SYNJ2BP: variants seen among roughly 807,000 people sequenced by gnomAD.
SYNJ2BP encodes synaptojanin-2-binding protein.
SYNJ2BP carries 10 observed loss-of-function variants against 16.9 expected under a neutral mutation model. That is an observed-to-expected ratio of 0.59 (90% CI 0.36 to 1.00). The LOEUF (loss-of-function observed/expected upper bound fraction) is 1.00, where lower values mean the gene tolerates loss of function less well. Among genes scored for constraint, SYNJ2BP ranks in the 50% least tolerant of loss-of-function variants. The probability of loss-of-function intolerance (pLI) is 0.01; values close to 1 mark genes in which losing one functional copy is unlikely to be tolerated. For synonymous variants in SYNJ2BP, 54 were observed against 68.4 expected (o/e 0.79, Z 1.04); for missense variants, 162 against 186.7 (o/e 0.87, Z 0.77).
chr14:70,397,146 T>C (rs185757071), intron 1 of SYNJ2BP, among the ~76,000 whole-genome samples: 2 of 152,292 alleles, frequency 1.3e-5, no homozygotes, highest in East Asian at 3.9e-4. Context: ...TCTAGTTAAT[T>C]TTTGTACATA....
At chr14:70,391,463 CA>C (rs1241944190) in intron 1 of SYNJ2BP, among the ~76,000 whole-genome samples, 1 of 152,176 alleles carries the variant, frequency 6.6e-6, no homozygotes, top group Non-Finnish European at 1.5e-5. Context: ...GGTGGAAAAG[CA>C]GATGGAACAA....
intron 2 of SYNJ2BP, among the ~76,000 whole-genome samples, chr14:70,381,962 C>T (rs543363470): frequency 1.3e-5 from 2 of 152,132 alleles, no homozygotes; most frequent in Admixed American, 6.5e-5. Flanking sequence ...TTTGGCCGGG[C>T]GCGGTGGCTC....
chr14:70,414,100 T>C (rs1431043187), intron 1 of SYNJ2BP, among the ~76,000 whole-genome samples: 2 of 152,190 alleles, frequency 1.3e-5, no homozygotes, highest in African/African-American at 4.8e-5. Flanking sequence ...GATGATACCA[T>C]GAAGAAAAGC....
chr14:70,412,259 C>T (rs1888489121), intron 1 of SYNJ2BP, among the ~76,000 whole-genome samples: 1 of 152,108 alleles, frequency 6.6e-6, no homozygotes, highest in African/African-American at 2.4e-5. Context: ...GGTTGGCAGT[C>T]AACTTCTTAA....
intron 1 of SYNJ2BP, among the ~76,000 whole-genome samples, chr14:70,392,880 T>C (rs144117059): frequency 1.4e-4 from 22 of 152,314 alleles, no homozygotes; most frequent in African/African-American, 5.3e-4. Context: ...TTGCTAATCA[T>C]TGGCTATGGC....
rs182500199 is a variant in SYNJ2BP, at chr14:70,377,775, C to G, written c.202-2004G>C. ...TACTTAACTATTATCTTTCTCTGCTCCTTCTCTCAACTAAAATTATACACC... is the reference window on the plus strand; with the variant it reads ...TACTTAACTATTATCTTTCTCTGCTGCTTCTCTCAACTAAAATTATACACC... On this transcript the variant is annotated intron_variant, in intron 2 of 3. Transcript: ENST00000256366. 3.9e-4 allele frequency among the ~76,000 whole-genome samples: 60 copies of G among 152,272 alleles called. 1 individual carries two copies. Among genetic ancestry groups the G allele is most frequent in the Admixed American group, 3.9e-3 (60 of 15,290 alleles).
chr14:70,416,770 A>G (rs990074453), intron 1 of SYNJ2BP, 130 bp downstream of exon 1: 2 of 1,356,510 alleles, frequency 1.5e-6, no homozygotes, highest in South Asian at 1.3e-5. Flanking sequence ...AGCACCCCGA[A>G]GCGTTGCACG....
At chr14:70,406,618 A>G (rs1888350080) in intron 1 of SYNJ2BP, among the ~76,000 whole-genome samples, 1 of 152,206 alleles carries the variant, frequency 6.6e-6, no homozygotes, top group Non-Finnish European at 1.5e-5. Flanking sequence ...ACCTAAGATC[A>G]GTGCTTCTGA....
At chr14:70,400,480 AAACCC>A (rs1888211513) in intron 1 of SYNJ2BP, among the ~76,000 whole-genome samples, 1 of 152,226 alleles carries the variant, frequency 6.6e-6, no homozygotes, top group African/African-American at 2.4e-5. Flanking sequence ...GTGCCTTTAG[AAACCC>A]TTGTGGTTTT....
chr14:70,386,950 C>A (rs1292966727), intron 2 of SYNJ2BP, among the ~76,000 whole-genome samples: 1 of 152,222 alleles, frequency 6.6e-6, no homozygotes, highest in Non-Finnish European at 1.5e-5. Context: ...TCATTTATTT[C>A]AACGTTTTCC....
chr14:70,389,778 T>G (rs1887940580), intron 1 of SYNJ2BP, among the ~76,000 whole-genome samples: 1 of 152,204 alleles, frequency 6.6e-6, no homozygotes, highest in South Asian at 2.1e-4. Flanking sequence ...TTGGGCATAG[T>G]AATTGACAAC....
intron 1 of SYNJ2BP, among the ~76,000 whole-genome samples, chr14:70,393,046 T>G (rs924982580): frequency 3.3e-5 from 5 of 152,172 alleles, no homozygotes; most frequent in African/African-American, 1.2e-4. Context: ...GAGAAAATTT[T>G]TGCAATCTAT....
chr14:70,369,004 C>T lies in SYNJ2BP; in HGVS notation c.*3987G>A, dbSNP rs1887457212. The T allele has an allele frequency of 1.3e-5, 2 of 152,176 alleles. No homozygotes were observed. Among genetic ancestry groups the T allele is most frequent in the African/African-American group, 4.8e-5 (2 of 41,438 alleles). 9.4% of individuals were successfully genotyped at this position (152,176 alleles called of 1,614,324 possible). On this transcript the variant is annotated 3_prime_UTR_variant, in exon 4 of 4. Transcript: ENST00000256366. ...CTCAAACTTTAGCATGAATCAGTCA[C>T]CTGGAAGGATTACAAAAACACAGAT...
chr14:70,379,506 T>C (rs1274791483), intron 2 of SYNJ2BP, among the ~76,000 whole-genome samples: 1 of 152,230 alleles, frequency 6.6e-6, no homozygotes, highest in Non-Finnish European at 1.5e-5. Flanking sequence ...CCTTCCCTTT[T>C]AAAAAATTCT....
intron 1 of SYNJ2BP, among the ~76,000 whole-genome samples, chr14:70,407,570 A>T (rs1888375172): frequency 6.6e-6 from 1 of 152,146 alleles, no homozygotes; most frequent in Non-Finnish European, 1.5e-5. Context: ...TCCTTACAGT[A>T]GACTTTTTCT....
At chr14:70,415,627 T>C (rs769320976) in intron 1 of SYNJ2BP, among the ~76,000 whole-genome samples, 3 of 110,274 alleles carry the variant, frequency 2.7e-5, no homozygotes, top group Admixed American at 1.1e-4. Context: ...CTGAAAGTTA[T>C]ATTTTATAAA....
chr14:70,373,372 T>G (rs1411039744), intron 3 of SYNJ2BP, among the ~76,000 whole-genome samples: 1 of 152,202 alleles, frequency 6.6e-6, no homozygotes, highest in Non-Finnish European at 1.5e-5. Flanking sequence ...AAGGGACCCG[T>G]GAGGGCAAGT....
chr14:70,388,670 T>A, intron 1 of SYNJ2BP, 64 bp from the exon 2 acceptor site: 1 of 1,409,956 alleles, frequency 7.1e-7, no homozygotes, highest in Non-Finnish European at 9.3e-7. Flanking sequence ...TTAGAGAAGA[T>A]GAAGAGAAAG....
Position 70,416,899 on chromosome 14 carries a change from C to T in SYNJ2BP, c.64+1G>A. ...TCAGATATGACCCTTTCCGCACATACCTGAGGGCCCTCTGGTAAGATTGAT... is the reference window on the plus strand; with the variant it reads ...TCAGATATGACCCTTTCCGCACATATCTGAGGGCCCTCTGGTAAGATTGAT... On this transcript the variant is annotated splice_donor_variant, in intron 1 of 3. Transcript: ENST00000256366. LOFTEE classifies it high-confidence loss of function. 6.2e-7 allele frequency: 1 copy of T among 1,614,166 alleles called. No individual in the cohort carries two copies. The highest frequency in any genetic ancestry group is 2.2e-5 in the East Asian group (1 of 44,872).
Sources: allele counts gnomAD v4.1 joint callset (sites outside exome capture counted in the v4.1 genomes callset), GRCh38; gene constraint gnomAD v4.1.1; transcripts MANE v1.5; gene names NCBI Gene and HGNC (gene_info 2026-07-23, HGNC 2026-07-21).